The following ARL9 variants were observed in gnomAD, a reference collection of about 807,000 sequenced individuals.
ARL9 encodes ADP-ribosylation factor-like protein 9.
In ARL9, 14 loss-of-function variants were observed where a neutral mutation model predicts 27.0. The observed-to-expected ratio is 0.52, with a 90% confidence interval of 0.34 to 0.81. The LOEUF (loss-of-function observed/expected upper bound fraction) is 0.81, where lower values mean the gene tolerates loss of function less well. Among genes scored for constraint, ARL9 ranks in the 30% least tolerant of loss-of-function variants. The pLI is 0.01. For synonymous variants in ARL9, 106 were observed against 108.7 expected (o/e 0.98, Z 0.15); for missense variants, 294 against 290.0 (o/e 1.01, Z -0.10).
At chr4:56,518,020 AG>A (rs2110152082) in intron 2 of ARL9, among the ~76,000 whole-genome samples, 1 of 150,828 alleles carries the variant, frequency 6.6e-6, no homozygotes, top group Admixed American at 6.6e-5. Context: ...CTTTTTTTTT[AG>A]ATAGATGGGG....
intron 1 of ARL9, among the ~76,000 whole-genome samples, chr4:56,510,270 G>A (rs559551104): frequency 2.7e-5 from 4 of 149,114 alleles, no homozygotes; most frequent in South Asian, 2.1e-4. Flanking sequence ...CAGGAGAATC[G>A]CTTGAACCCA....
chr4:56,510,110 A>G (rs1340657186), intron 1 of ARL9, among the ~76,000 whole-genome samples: 1 of 151,974 alleles, frequency 6.6e-6, no homozygotes, highest in African/African-American at 2.4e-5. Context: ...CTGTAATCCC[A>G]GCATTTTGGG....
chr4:56,507,464 A>G (rs1578206392), intron 1 of ARL9, among the ~76,000 whole-genome samples: 4 of 151,390 alleles, frequency 2.6e-5, no homozygotes, highest in African/African-American at 9.7e-5. Context: ...ACAGGTGCAC[A>G]CCGCCGTGCC....
intron 1 of ARL9, 105 bp downstream of exon 1, chr4:56,506,246 G>C: frequency 9.0e-7 from 1 of 1,109,966 alleles, no homozygotes; most frequent in Non-Finnish European, 1.1e-6. Flanking sequence ...GCGTGGGAGC[G>C]AATGGATCTC....
At chr4:56,513,280 T>G (rs1560697273) in intron 2 of ARL9, among the ~76,000 whole-genome samples, 2 of 152,220 alleles carry the variant, frequency 1.3e-5, no homozygotes, top group South Asian at 2.1e-4. Context: ...TGTGTAACAC[T>G]TGGAGTATGT....
chr4:56,507,700 G>A (rs1224427787), intron 1 of ARL9, among the ~76,000 whole-genome samples: 6 of 151,408 alleles, frequency 4.0e-5, no homozygotes, highest in Non-Finnish European at 7.4e-5. Flanking sequence ...AAAAGCCGGC[G>A]CAGTGGCTCA....
rs141981262 is a variant in ARL9 at position 56,509,596 on chromosome 4, G to A, written c.280-1589G>A. 3.7e-3 allele frequency among the ~76,000 whole-genome samples: 551 copies of A among 147,976 alleles called. 5 individuals carry two copies. The East Asian group carries it at 0.041, about 11-fold the overall frequency. ...GTTGCCCAGGCTGGAGTGCAATGGC[G>A]TGATCTCGGCTCACTGCAACCTCCG... On this transcript the variant is annotated intron_variant, in intron 1 of 3. Coordinates refer to ENST00000640821, the MANE Select transcript of ARL9 (RefSeq NM_001363794.2).
intron 3 of ARL9, among the ~76,000 whole-genome samples, chr4:56,522,053 T>G (rs960294781): frequency 6.6e-6 from 1 of 150,448 alleles, no homozygotes; most frequent in Non-Finnish European, 1.5e-5. Context: ...TGGTGTGATC[T>G]CGGCTCACTG....
Position 56,523,826 on chromosome 4 carries a change from A to C in ARL9, c.748A>C (p.Met250Leu), listed in dbSNP as rs1284574801. 6.2e-7 allele frequency: 1 copy of C among 1,613,912 alleles called. No homozygotes were observed. The highest frequency in any genetic ancestry group is 1.3e-5 in the African/African-American group (1 of 74,936). Residue 250 changes from methionine (M) to leucine (L), a missense_variant, in exon 4 of 4, where the codon ATG becomes CTG. Physicochemically the swap from Met to Leu is conservative, Grantham distance 15. Coordinates refer to ENST00000640821, the MANE Select transcript of ARL9 (RefSeq NM_001363794.2). ...TKNGSEIPSTMQDAKDLIAQL... is the reference protein window; with the variant it reads ...TKNGSEIPSTLQDAKDLIAQL... ...GAATGGCTCAGAGATACCCTCCACC[A>C]TGCAAGATGCCAAAGACTTGATTGC...
chr4:56,524,072 T>A lies in ARL9; in HGVS notation c.*196T>A. 2.2e-6 allele frequency: 1 copy of A among 452,728 alleles called. No homozygotes were observed. Among genetic ancestry groups the A allele is most frequent in the Non-Finnish European group, 3.8e-6 (1 of 259,982 alleles). The allele number at this position is 452,728 out of a possible 1,614,324, so 28.0% of individuals were successfully genotyped here. On this transcript the variant is annotated 3_prime_UTR_variant, in exon 4 of 4. Coordinates refer to ENST00000640821, the MANE Select transcript of ARL9 (RefSeq NM_001363794.2). The stretch of plus-strand genomic sequence containing the variant: ...TTCAAGAACTGTGGATCCAAAACAT[T>A]CAAAAAGTAAACCCACTGAAGAATA...
intron 2 of ARL9, among the ~76,000 whole-genome samples, chr4:56,516,597 A>G (rs1399239053): frequency 9.5e-5 from 14 of 146,798 alleles, no homozygotes; most frequent in African/African-American, 1.8e-4. Flanking sequence ...AAAAAAAAAA[A>G]AAAAAGAAAA....
At chr4:56,521,474 T>G (rs1721915512) in intron 3 of ARL9, among the ~76,000 whole-genome samples, 1 of 152,170 alleles carries the variant, frequency 6.6e-6, no homozygotes, top group Non-Finnish European at 1.5e-5. Flanking sequence ...CTATGAACAT[T>G]TTGCTGGTGG....
intron 1 of ARL9, among the ~76,000 whole-genome samples, chr4:56,508,949 A>T (rs376518883): frequency 7.9e-5 from 12 of 152,328 alleles, no homozygotes; most frequent in African/African-American, 2.2e-4. Context: ...ATTGAAGACA[A>T]TTATTAGAGT....
At chr4:56,518,163 GCA>G (rs1721816288) in intron 2 of ARL9, among the ~76,000 whole-genome samples, 1 of 151,798 alleles carries the variant, frequency 6.6e-6, no homozygotes, top group Admixed American at 6.6e-5. Context: ...TGCACCATAG[GCA>G]TGCACCATAG....
intron 1 of ARL9, among the ~76,000 whole-genome samples, chr4:56,508,222 CCCCTCTTCCTTACCTTGACACA>C (rs1041834088): frequency 6.6e-6 from 1 of 152,008 alleles, no homozygotes; most frequent in Non-Finnish European, 1.5e-5. Flanking sequence ...GTCTCCCTTG[CCCCTCTTCCTTACCTTGACACA>C]CTCTCAGAAT....
chr4:56,522,901 A>G (rs1320328109), intron 3 of ARL9, among the ~76,000 whole-genome samples: 1 of 152,152 alleles, frequency 6.6e-6, no homozygotes, highest in Non-Finnish European at 1.5e-5. Flanking sequence ...TCTACTCCCC[A>G]AAATTGGTTG....
intron 2 of ARL9, among the ~76,000 whole-genome samples, chr4:56,517,823 A>G (rs934626706): frequency 1.3e-5 from 2 of 152,150 alleles, no homozygotes; most frequent in Non-Finnish European, 2.9e-5. Context: ...CCACAGGATC[A>G]TATTAACTCA....
rs1016982086 is a variant in ARL9, at chr4:56,505,943, G to C, written c.81G>C (p.Glu27Asp). The part of the protein sequence containing the change: ...EEKIGEKGRE[E>D]KVKRKEVEQK... ...AAATCGGAGAAAAGGGTAGGGAAGA[G>C]AAAGTGAAAAGAAAGGAGGTGGAGC... is the stretch of plus-strand genomic sequence containing the variant. Residue 27 changes from glutamate (E) to aspartate (D), a missense_variant, in exon 1 of 4, where the codon GAG becomes GAC. Transcript: ENST00000640821. 4 of 1,228,970 alleles carry C rather than the reference G, an allele frequency of 3.3e-6. No individual in the cohort carries two copies. Among genetic ancestry groups the C allele is most frequent in the Middle Eastern group, 3.1e-4 (1 of 3,220 alleles). The allele number at this position is 1,228,970 out of a possible 1,614,324, so 76.1% of individuals were successfully genotyped here.
Position 56,518,765 on chromosome 4 carries a change from A to G in ARL9, c.530A>G (p.His177Arg). The G allele has an allele frequency of 1.2e-6, 2 of 1,614,030 alleles. No homozygotes were observed. Among genetic ancestry groups the G allele is most frequent in the Non-Finnish European group, 1.7e-6 (2 of 1,179,884 alleles). ...LLIFVVDSAD[H>R]SRLPEAKKYL... ...ATCTTTGTGGTGGATTCAGCAGATC[A>G]CAGCCGATTACCTGAAGCCAAGAAA... Residue 177 changes from histidine to arginine, a missense_variant, in exon 3 of 4, where the codon CAC (histidine) becomes CGC (arginine). Coordinates refer to ENST00000640821, the MANE Select transcript of ARL9 (RefSeq NM_001363794.2).
Sources: gnomAD v4.1 joint callset for allele counts (sites outside exome capture counted in the v4.1 genomes callset) on GRCh38, gnomAD v4.1.1 for gene constraint, MANE v1.5 for transcripts, NCBI Gene and HGNC (gene_info 2026-07-23, HGNC 2026-07-21) for gene names.